Variants in DOCK4 observed in about 807,000 individuals in gnomAD.
The protein encoded by DOCK4 is dedicator of cytokinesis 4.
In DOCK4, 97 loss-of-function variants were observed where a neutral mutation model predicts 268.1. The observed-to-expected ratio is 0.36, with a 90% CI of 0.31 to 0.43. The LOEUF (loss-of-function observed/expected upper bound fraction) is 0.43. Ranked by LOEUF, DOCK4 falls within the 20% of genes least tolerant of loss-of-function variation. The pLI is 1.00. For synonymous variants in DOCK4, 954 were observed against 887.2 expected, an observed-to-expected ratio of 1.08 and a Z score of -1.34; for missense variants, 2,145 against 2,455.7, an observed-to-expected ratio of 0.87 and a Z score of 2.67.
intron 1 of DOCK4, among the ~76,000 whole-genome samples, chr7:112,160,525 C>T (rs553389476): frequency 1.2e-4 from 19 of 152,072 alleles, no homozygotes; most frequent in Non-Finnish European, 2.4e-4. Context: ...ACAAAGGAAA[C>T]CTATCAAGCT....
chr7:111,981,851 T>TA (rs1359016508), intron 7 of DOCK4, among the ~76,000 whole-genome samples: 1 of 152,138 alleles, frequency 6.6e-6, no homozygotes, highest in Non-Finnish European at 1.5e-5. Flanking sequence ...CACTGAACTC[T>TA]AGGCAGCCAC....
At position 111,872,001 on chromosome 7, in the gene DOCK4, T is replaced by C. The variant is rs1347986915; in HGVS notation, c.2016A>G (p.Ala672=). 1.3e-6 allele frequency: 2 copies of C among 1,554,244 alleles called. No homozygotes were observed. Among genetic ancestry groups the C allele is most frequent in the Non-Finnish European group, 1.7e-6 (2 of 1,148,514 alleles). ...DTYIESHFAG[A]LAYRDLIKVL... is the part of the protein sequence containing the mutation. The stretch of plus-strand genomic sequence containing the variant: ...ATACAGGGCCTTACCTGTATGCAAG[T>C]GCCCCAGCAAAATGACTCTCAATGT... The change falls in exon 20 of 53, where the codon GCA becomes GCG. Residue 672 remains alanine (A), a synonymous_variant. Transcript: ENST00000428084.
intron 1 of DOCK4, among the ~76,000 whole-genome samples, chr7:112,170,508 G>A (rs1005523022): frequency 1.1e-4 from 16 of 151,850 alleles, no homozygotes; most frequent in Admixed American, 4.6e-4. Flanking sequence ...ACTTACTATA[G>A]GAGCAGACCA....
chr7:111,955,107 G>A (rs1174209441), intron 8 of DOCK4, among the ~76,000 whole-genome samples: 1 of 152,144 alleles, frequency 6.6e-6, no homozygotes, highest in East Asian at 1.9e-4. Context: ...GTATCTTAGG[G>A]TCGAAGACTT....
intron 16 of DOCK4, among the ~76,000 whole-genome samples, chr7:111,891,779 T>C (rs907534984): frequency 3.3e-5 from 5 of 152,368 alleles, no homozygotes; most frequent in East Asian, 3.9e-4. Flanking sequence ...GCCAATCTGA[T>C]AGGCAAAAAG....
At chr7:111,993,623 A>G (rs1378774777) in intron 5 of DOCK4, among the ~76,000 whole-genome samples, 1 of 152,222 alleles carries the variant, frequency 6.6e-6, no homozygotes. Flanking sequence ...TAAGTTCCCA[A>G]TGTGATTACT....
In DOCK4 at chr7:111,828,151, A is replaced by T. The variant is rs946130062; in HGVS notation, c.2836-5695T>A. On this transcript the variant is annotated intron_variant, in intron 26 of 52. Coordinates refer to ENST00000428084, the MANE Select transcript of DOCK4 (RefSeq NM_001363540.2). ...CAGAAGGAGGAAAAAAATCTTGATC[A>T]CTACCTAGTGTTTACTTTTGTTCAT... is the stretch of plus-strand genomic sequence containing the variant. Among the ~76,000 whole-genome samples, 6 of 152,216 alleles carry T rather than the reference A, an allele frequency of 3.9e-5. No homozygotes were observed. In the South Asian group the frequency reaches 1.2e-3, roughly 32 times the overall value.
At chr7:112,064,949 C>T (rs1806782301) in intron 1 of DOCK4, among the ~76,000 whole-genome samples, 1 of 152,146 alleles carries the variant, frequency 6.6e-6, no homozygotes, top group South Asian at 2.1e-4. Context: ...AGAAACCAAA[C>T]CTGCTGGCAC....
chr7:111,737,914 C>T (rs190233816), intron 49 of DOCK4, among the ~76,000 whole-genome samples: 10 of 152,264 alleles, frequency 6.6e-5, no homozygotes, highest in Admixed American at 1.3e-4. Context: ...AAGACATCAG[C>T]GTTGTGCAGA....
chr7:112,151,901 C>T (rs1322924928), intron 1 of DOCK4, among the ~76,000 whole-genome samples: 1 of 149,830 alleles, frequency 6.7e-6, no homozygotes, highest in Non-Finnish European at 1.5e-5. Context: ...AAAGGAAGAG[C>T]AGCCACACAA....
At chr7:111,818,562 C>A (rs1563546382) in intron 27 of DOCK4, among the ~76,000 whole-genome samples, 1 of 152,214 alleles carries the variant, frequency 6.6e-6, no homozygotes, top group East Asian at 1.9e-4. Context: ...AATCTTCTCA[C>A]TACCTTCATT....
rs890392567 is a variant in DOCK4, at chr7:111,765,233, C to T, written c.3916-11G>A. ...AGAGGCTTCCATCATCTAGAAAGCA[C>T]AGGAAACATTCTAAGCATTTTATCT... On this transcript the variant is annotated splice_polypyrimidine_tract_variant and intron_variant, in intron 38 of 52. Transcript: ENST00000428084. 17 of 1,447,890 alleles carry T rather than the reference C, an allele frequency of 1.2e-5. No homozygotes were observed. The African/African-American group carries it at 1.6e-4, about 13-fold the overall frequency. The allele number at this position is 1,447,890 out of a possible 1,614,324, so 89.7% of individuals were successfully genotyped here.
intron 1 of DOCK4, among the ~76,000 whole-genome samples, chr7:112,084,273 C>G (rs772904680): frequency 6.6e-5 from 10 of 152,254 alleles, no homozygotes; most frequent in Admixed American, 4.6e-4. Context: ...CTGATGCAAT[C>G]ATAAAGAAAA....
chr7:112,151,350 G>A (rs1340247076), intron 1 of DOCK4, among the ~76,000 whole-genome samples: 2 of 152,064 alleles, frequency 1.3e-5, no homozygotes, highest in Non-Finnish European at 2.9e-5. Context: ...AATCATGCAT[G>A]TTAGGTACTC....
chr7:111,750,289 T>A (rs927877222), intron 42 of DOCK4, among the ~76,000 whole-genome samples: 3 of 152,198 alleles, frequency 2.0e-5, no homozygotes, highest in Non-Finnish European at 4.4e-5. Flanking sequence ...GTCTTATCTC[T>A]TTGTCAATTG....
Position 111,728,218 on chromosome 7 carries a change from T to C in DOCK4, c.*56A>G, listed in dbSNP as rs575898941. 2.4e-3 allele frequency: 3,267 copies of C among 1,347,390 alleles called. 5 individuals are homozygous for C. Among genetic ancestry groups the C allele is most frequent in the Non-Finnish European group, 3.0e-3 (3,026 of 1,025,612 alleles). The allele number at this position is 1,347,390 out of a possible 1,614,324, so 83.5% of individuals were successfully genotyped here. The stretch of plus-strand genomic sequence containing the variant: ...GCCTACACTAAATGTCTTCTCATCA[T>C]ACTTCTTATTTTGTAAACGGGCAAA... On this transcript the variant is annotated 3_prime_UTR_variant, in exon 53 of 53. Coordinates refer to ENST00000428084, the MANE Select transcript of DOCK4 (RefSeq NM_001363540.2).
intron 5 of DOCK4, among the ~76,000 whole-genome samples, chr7:111,991,853 C>A (rs551049486): frequency 6.7e-6 from 1 of 149,256 alleles, no homozygotes; most frequent in Non-Finnish European, 1.5e-5. Flanking sequence ...CCCAGCTACT[C>A]GGGAGGCTGA....
Position 112,206,268 on chromosome 7 carries a change from G to T in DOCK4, c.-130C>A. On this transcript the variant is annotated 5_prime_UTR_variant, in exon 1 of 53. Transcript: ENST00000428084. The stretch of plus-strand genomic sequence containing the variant: ...CGGCTTCGCGCGGGCTGCGGGCGCT[G>T]GGCAGGATCTGCGCTGGAGGCTCCC... The T allele has an allele frequency of 9.6e-7, 1 of 1,039,974 alleles. No individual in the cohort carries two copies. The highest frequency in any genetic ancestry group is 1.4e-6 in the Non-Finnish European group (1 of 704,102). The allele number at this position is 1,039,974 out of a possible 1,614,324, so 64.4% of individuals were successfully genotyped here.
rs558919222 is a variant in DOCK4, at chr7:112,043,555, T to C, written c.38-39424A>G. ...GAGAGAATGAAGTGTCACAGAATCA[T>C]GAATGTTAATGAAAAAGGCAGATAA... On this transcript the variant is annotated intron_variant, in intron 1 of 52. Transcript: ENST00000428084. Among the ~76,000 whole-genome samples, 10 of 151,420 alleles carry C rather than the reference T, an allele frequency of 6.6e-5. No homozygotes were observed. In the South Asian group the frequency reaches 2.0e-3, roughly 30 times the overall value.
Sources: allele counts gnomAD v4.1 joint callset (sites outside exome capture counted in the v4.1 genomes callset), GRCh38; gene constraint gnomAD v4.1.1; transcripts MANE v1.5; gene names NCBI Gene and HGNC (gene_info 2026-07-23, HGNC 2026-07-21).